SDK1: variants seen among roughly 807,000 people sequenced by gnomAD.
SDK1 encodes the protein protein sidekick-1.
A neutral mutation model predicts 245.5 loss-of-function variants in SDK1; 157 were observed. That is an observed-to-expected ratio of 0.64 (90% CI 0.56 to 0.73). The LOEUF (loss-of-function observed/expected upper bound fraction) is 0.73, where lower values mean the gene tolerates loss of function less well. SDK1 is among the 30% of genes least tolerant of loss of function. SDK1 has a pLI of 0.00. For synonymous variants in SDK1, 1,647 were observed against 1,278.5 expected (o/e 1.29, Z -6.15); for missense variants, 3,583 against 3,002.3 (o/e 1.19, Z -4.52).
chr7:4,175,901 C>A, intron 34 of SDK1, 67 bp downstream of exon 34: 1 of 1,431,334 alleles, frequency 7.0e-7, no homozygotes, highest in Non-Finnish European at 9.8e-7. Context: ...GCCAGCTGGT[C>A]TCTCAGTGCA....
At position 3,741,987 on chromosome 7, in the gene SDK1, C is replaced by CATATATATATATATAT. The variant is rs142076799; in HGVS notation, c.714-79452_714-79437dup. The stretch of plus-strand genomic sequence containing the variant: ...ATTTGTGTTCCCATATTGTAGTGTG[C>CATATATATATATATAT]ATATATATATATATATATATATATA... On this transcript the variant is annotated intron_variant, in intron 4 of 44. Transcript: ENST00000404826. Among the ~76,000 whole-genome samples, 352 of 132,052 alleles carry CATATATATATATATAT rather than the reference C, an allele frequency of 2.7e-3. 3 individuals are homozygous for CATATATATATATATAT. Among genetic ancestry groups the CATATATATATATATAT allele is most frequent in the African/African-American group, 4.9e-3 (169 of 34,688 alleles). The allele number at this position is 132,052 out of a possible 152,430, so 86.6% of individuals were successfully genotyped here.
chr7:3,438,543 G>A (rs1230975941), intron 1 of SDK1, among the ~76,000 whole-genome samples: 1 of 152,162 alleles, frequency 6.6e-6, no homozygotes, highest in Non-Finnish European at 1.5e-5. Flanking sequence ...CATTGTGAAG[G>A]CCCATGTGTC....
rs559234881 is a variant in SDK1, at chr7:3,392,275, T to C, written c.298+90391T>C. 1.6e-3 allele frequency among the ~76,000 whole-genome samples: 243 copies of C among 152,288 alleles called. 2 individuals carry two copies. Among genetic ancestry groups the C allele is most frequent in the South Asian group, 9.9e-3 (48 of 4,830 alleles). On this transcript the variant is annotated intron_variant, in intron 1 of 44. Transcript: ENST00000404826. ...ATGATTTCTTAGAAATGTATCATTATTAACTTATGAGACTTTAAAATACAC... is the reference window on the plus strand; with the variant it reads ...ATGATTTCTTAGAAATGTATCATTACTAACTTATGAGACTTTAAAATACAC...
At chr7:3,641,037 A>C (rs920813470) in intron 3 of SDK1, among the ~76,000 whole-genome samples, 16 of 149,432 alleles carry the variant, frequency 1.1e-4, no homozygotes, top group African/African-American at 3.5e-4. Context: ...AACAAATTTC[A>C]TTTTCTTTTG....
intron 1 of SDK1, among the ~76,000 whole-genome samples, chr7:3,465,191 G>A (rs1397271144): frequency 1.3e-5 from 2 of 152,144 alleles, no homozygotes; most frequent in African/African-American, 4.8e-5. Context: ...GCCCTAGAGT[G>A]TGCTTTTTGA....
intron 4 of SDK1, among the ~76,000 whole-genome samples, chr7:3,688,980 A>G (rs1035796479): frequency 3.3e-5 from 5 of 152,194 alleles, no homozygotes; most frequent in African/African-American, 9.7e-5. Context: ...CAAGGGGCCA[A>G]TCCATCCATG....
intron 1 of SDK1, among the ~76,000 whole-genome samples, chr7:3,551,170 C>G (rs1195273353): frequency 6.6e-6 from 1 of 152,052 alleles, no homozygotes; most frequent in Non-Finnish European, 1.5e-5. Flanking sequence ...GAGTTACAAC[C>G]CGGCCAACAC....
At chr7:4,079,961 A>G (rs958745937) in intron 22 of SDK1, among the ~76,000 whole-genome samples, 2 of 152,226 alleles carry the variant, frequency 1.3e-5, no homozygotes, top group South Asian at 2.1e-4. Context: ...TTAGCTATGC[A>G]TTCATTCAAC....
At chr7:3,664,089 G>A (rs1173138336) in intron 4 of SDK1, among the ~76,000 whole-genome samples, 2 of 151,918 alleles carry the variant, frequency 1.3e-5, no homozygotes, top group African/African-American at 4.8e-5. Flanking sequence ...AATGCTTGTT[G>A]AAACACACCT....
intron 1 of SDK1, among the ~76,000 whole-genome samples, chr7:3,562,739 C>G (rs1483715197): frequency 6.6e-6 from 1 of 152,196 alleles, no homozygotes; most frequent in East Asian, 1.9e-4. Flanking sequence ...TTTGCCTCTC[C>G]TATTGCCTTC....
intron 35 of SDK1, among the ~76,000 whole-genome samples, chr7:4,202,615 A>G (rs1451743770): frequency 2.0e-5 from 3 of 152,162 alleles, no homozygotes; most frequent in Non-Finnish European, 4.4e-5. Flanking sequence ...CGCCTGGCGG[A>G]CGGTGAATGT....
intron 1 of SDK1, among the ~76,000 whole-genome samples, chr7:3,521,631 A>G (rs1782944372): frequency 6.6e-6 from 1 of 152,222 alleles, no homozygotes; most frequent in African/African-American, 2.4e-5. Context: ...GAAGCACGTG[A>G]ATTTCGCCCT....
intron 4 of SDK1, among the ~76,000 whole-genome samples, chr7:3,819,294 T>G (rs1779587568): frequency 1.3e-5 from 2 of 152,072 alleles, no homozygotes; most frequent in African/African-American, 4.8e-5. Context: ...AAGAAAAAGA[T>G]AAGCTTAAAG....
intron 2 of SDK1, among the ~76,000 whole-genome samples, chr7:3,631,675 T>C (rs1170679588): frequency 6.6e-6 from 1 of 152,240 alleles, no homozygotes; most frequent in African/African-American, 2.4e-5. Context: ...ATAACAGATA[T>C]GAATGTTTAT....
intron 1 of SDK1, among the ~76,000 whole-genome samples, chr7:3,500,260 C>G (rs1230419127): frequency 6.6e-6 from 1 of 152,132 alleles, no homozygotes; most frequent in Non-Finnish European, 1.5e-5. Flanking sequence ...ACTGAGTCTC[C>G]TTTCTTATAT....
In SDK1 at chr7:4,079,478, C is replaced by T; in HGVS notation, c.3218C>T (p.Pro1073Leu). 1 of 1,614,248 alleles carries T rather than the reference C, an allele frequency of 6.2e-7. No homozygotes were observed. The highest frequency in any genetic ancestry group is 8.5e-7 in the Non-Finnish European group (1 of 1,180,032). The change falls in exon 22 of 45, where the codon CCA (proline) becomes CTA (leucine). Residue 1073 changes from proline (P) to leucine (L), a missense_variant. Pro to Leu is a moderately conservative substitution (Grantham distance 98). Coordinates refer to ENST00000404826, the MANE Select transcript of SDK1 (RefSeq NM_152744.4). Reference sequence around the variant, plus strand: ...TCCTCTCTAGACCTTCCTGGTGCCCCATCCAACCTGGTCATTTCCAACATC... The same window carrying T: ...TCCTCTCTAGACCTTCCTGGTGCCCTATCCAACCTGGTCATTTCCAACATC... ...SGVPPDLPGA[P>L]SNLVISNISP... is the part of the protein sequence containing the mutation.
chr7:4,113,176 A>C, intron 23 of SDK1, 113 bp from the exon 24 acceptor site: 1 of 1,100,484 alleles, frequency 9.1e-7, no homozygotes, highest in East Asian at 2.4e-5. Flanking sequence ...TTATGATATG[A>C]GTAGACACCT....
intron 5 of SDK1, among the ~76,000 whole-genome samples, chr7:3,933,429 C>G (rs1780050929): frequency 6.6e-6 from 1 of 152,166 alleles, no homozygotes; most frequent in Non-Finnish European, 1.5e-5. Flanking sequence ...GGTGTTCGGA[C>G]ACGGGATGCT....
At chr7:4,235,940 G>A (rs1439109806) in intron 41 of SDK1, among the ~76,000 whole-genome samples, 1 of 152,246 alleles carries the variant, frequency 6.6e-6, no homozygotes, top group East Asian at 1.9e-4. Flanking sequence ...GCCCACTCCG[G>A]GCCAGTTGCC....
Sources: allele counts gnomAD v4.1 joint callset (sites outside exome capture counted in the v4.1 genomes callset), GRCh38; gene constraint gnomAD v4.1.1; transcripts MANE v1.5; gene names NCBI Gene and HGNC (gene_info 2026-07-23, HGNC 2026-07-21).